CACNB2: variants seen among roughly 807,000 people sequenced by gnomAD.
CACNB2 encodes the protein calcium voltage-gated channel auxiliary subunit beta 2.
A neutral mutation model predicts 73.3 loss-of-function variants in CACNB2; 42 were observed. The ratio of observed to expected loss-of-function variants is 0.57; its 90% CI spans 0.45 to 0.74. The LOEUF (loss-of-function observed/expected upper bound fraction) is 0.74, where lower values mean the gene tolerates loss of function less well. CACNB2 is among the 30% of genes least tolerant of loss of function. The probability of loss-of-function intolerance (pLI) is 0.00; values close to 1 mark genes in which losing one functional copy is unlikely to be tolerated. For missense variants in CACNB2, 940 were observed against 853.0 expected (o/e 1.10, Z -1.27); for synonymous variants, 348 against 310.3 (o/e 1.12, Z -1.28).
At chr10:18,484,763 G>T (rs2048972663) in intron 3 of CACNB2, among the ~76,000 whole-genome samples, 2 of 152,164 alleles carry the variant, frequency 1.3e-5, no homozygotes, top group Non-Finnish European at 2.9e-5. Flanking sequence ...AAAGTAAAAT[G>T]TTTATTGTAT....
At chr10:18,327,383 C>T (rs564350374) in intron 2 of CACNB2, among the ~76,000 whole-genome samples, 2 of 152,208 alleles carry the variant, frequency 1.3e-5, no homozygotes, top group East Asian at 3.9e-4. Context: ...GAAATATGCA[C>T]ATCTGGAAAT....
chr10:18,270,093 G>C (rs765056852), intron 2 of CACNB2, among the ~76,000 whole-genome samples: 24 of 152,174 alleles, frequency 1.6e-4, no homozygotes, highest in Non-Finnish European at 2.6e-4. Flanking sequence ...TTGACTCACA[G>C]TTCCTCATAA....
chr10:18,230,417 T>C (rs952924023), intron 2 of CACNB2, among the ~76,000 whole-genome samples: 1 of 152,128 alleles, frequency 6.6e-6, no homozygotes, highest in African/African-American at 2.4e-5. Context: ...TGAATATAAA[T>C]TCATATGGGG....
intron 3 of CACNB2, among the ~76,000 whole-genome samples, chr10:18,474,821 C>T (rs1032615586): frequency 6.6e-6 from 1 of 151,908 alleles, no homozygotes; most frequent in Non-Finnish European, 1.5e-5. Flanking sequence ...ATGCTAATGC[C>T]ACGTCCTGCA....
chr10:18,427,217 A>G (rs1201886238), intron 3 of CACNB2, among the ~76,000 whole-genome samples: 2 of 152,070 alleles, frequency 1.3e-5, no homozygotes, highest in African/African-American at 4.8e-5. Flanking sequence ...CCTTTTCTAT[A>G]TCTTTAAAGG....
chr10:18,181,562 T>TTTTTATTTTATTTTATTTTA (rs147509760), intron 2 of CACNB2, among the ~76,000 whole-genome samples: 1,468 of 113,550 alleles, frequency 0.013, 45 homozygotes, highest in Non-Finnish European at 0.02. Flanking sequence ...GAGGATAACT[T>TTTTTATTTTATTTTATTTTA]TTTTATTTTA....
chr10:18,217,750 G>C lies in CACNB2; in HGVS notation c.213+66775G>C, dbSNP rs915208768. ...GCGAAGGCCTAAAGACCATGTGACT[G>C]GTGTGTTCAGATATACCAAGGCCAG... On this transcript the variant is annotated intron_variant, in intron 2 of 13. Transcript: ENST00000324631. Among the ~76,000 whole-genome samples the C allele has an allele frequency of 3.3e-5, 5 of 151,748 alleles. No individual in the cohort carries two copies. The Middle Eastern group carries it at 0.014, about 413-fold the overall frequency.
At chr10:18,385,675 CAGCAAAACGGTGTATT>C (rs2043203229) in intron 2 of CACNB2, among the ~76,000 whole-genome samples, 1 of 150,230 alleles carries the variant, frequency 6.7e-6, no homozygotes, top group Non-Finnish European at 1.5e-5. Flanking sequence ...ATTCAAATGA[CAGCAAAACGGTGTATT>C]TCTACCAATG....
intron 3 of CACNB2, among the ~76,000 whole-genome samples, chr10:18,473,723 AAGG>A (rs1476321743): frequency 6.6e-6 from 1 of 152,236 alleles, no homozygotes; most frequent in Non-Finnish European, 1.5e-5. Context: ...CGAAGTGAAG[AAGG>A]AGATTGACTT....
At chr10:18,194,817 T>C (rs2034556676) in intron 2 of CACNB2, among the ~76,000 whole-genome samples, 1 of 152,242 alleles carries the variant, frequency 6.6e-6, no homozygotes, top group Non-Finnish European at 1.5e-5. Context: ...CCTACAATTA[T>C]GTTTTTAGCA....
At chr10:18,537,064 T>G (rs1049310605) in intron 12 of CACNB2, among the ~76,000 whole-genome samples, 3 of 152,132 alleles carry the variant, frequency 2.0e-5, no homozygotes, top group African/African-American at 7.2e-5. Context: ...AGCTCACTAT[T>G]GCAACCTCTG....
Position 18,351,112 on chromosome 10 carries a change from T to C in CACNB2, c.214-50812T>C, listed in dbSNP as rs1157539864. ...AGAATGTATATAAAAACAAAGTAAA[T>C]ATATTTTTATAAAGATCACATGTAC... On this transcript the variant is annotated intron_variant, in intron 2 of 13. Coordinates refer to ENST00000324631, the MANE Select transcript of CACNB2 (RefSeq NM_201596.3). Among the ~76,000 whole-genome samples the C allele has an allele frequency of 2.0e-5, 3 of 151,960 alleles. No individual in the cohort carries two copies. In the East Asian group the frequency reaches 5.8e-4, roughly 29 times the overall value.
intron 3 of CACNB2, among the ~76,000 whole-genome samples, chr10:18,452,793 C>A (rs2047078621): frequency 6.6e-6 from 1 of 152,212 alleles, no homozygotes; most frequent in South Asian, 2.1e-4. Context: ...GGCCTACCAG[C>A]AGCACCCTGG....
intron 1 of CACNB2, among the ~76,000 whole-genome samples, chr10:18,149,747 G>T (rs1161808663): frequency 6.6e-6 from 1 of 152,182 alleles, no homozygotes; most frequent in Non-Finnish European, 1.5e-5. Context: ...AAGTCTCTAT[G>T]AGCCTAATAA....
At chr10:18,146,306 A>ATTTTTTTTTTTTTTTTTTTTTTT (rs10714038) in intron 1 of CACNB2, among the ~76,000 whole-genome samples, 2 of 118,938 alleles carry the variant, frequency 1.7e-5, no homozygotes, top group African/African-American at 3.3e-5. Context: ...ATGGAGACTA[A>ATTTTTTTTTTTTTTTTTTTTTTT]TTTTTTTTTT....
chr10:18,490,593 A>T (rs2049352953), intron 3 of CACNB2, among the ~76,000 whole-genome samples: 1 of 152,154 alleles, frequency 6.6e-6, no homozygotes, highest in South Asian at 2.1e-4. Context: ...TAGGATGTTA[A>T]TAGAGGTTGA....
chr10:18,169,368 T>C (rs1373707824), intron 2 of CACNB2, among the ~76,000 whole-genome samples: 1 of 152,202 alleles, frequency 6.6e-6, no homozygotes, highest in Non-Finnish European at 1.5e-5. Context: ...TCTTGTTTTA[T>C]GTTTACAAAT....
At chr10:18,388,188 A>G (rs541343775) in intron 2 of CACNB2, among the ~76,000 whole-genome samples, 7 of 152,230 alleles carry the variant, frequency 4.6e-5, no homozygotes, top group Non-Finnish European at 1.0e-4. Flanking sequence ...AGATATTTTC[A>G]TGCAACAAAA....
At chr10:18,321,878 G>C (rs1206285654) in intron 2 of CACNB2, among the ~76,000 whole-genome samples, 1 of 152,042 alleles carries the variant, frequency 6.6e-6, no homozygotes, top group Non-Finnish European at 1.5e-5. Context: ...CTAAGCCAGG[G>C]GTGGTGGCTC....
Sources: allele counts gnomAD v4.1 joint callset (sites outside exome capture counted in the v4.1 genomes callset), GRCh38; gene constraint gnomAD v4.1.1; transcripts MANE v1.5; gene names NCBI Gene and HGNC (gene_info 2026-07-23, HGNC 2026-07-21).